The following TET2 variants were observed in gnomAD, a reference collection of about 807,000 sequenced individuals.
The protein encoded by TET2 is methylcytosine dioxygenase TET2.
A neutral mutation model predicts 142.9 loss-of-function variants in TET2; 299 were observed. That is an observed-to-expected ratio of 2.09 (90% CI 1.90 to 2.30). The LOEUF (loss-of-function observed/expected upper bound fraction) is 2.30. Ranked by LOEUF, TET2 falls within the 30% of genes most tolerant of loss-of-function variation. TET2 has a pLI of 0.00. For missense variants in TET2, 2,418 were observed against 2,378.0 expected (o/e 1.02, Z -0.35); for synonymous variants, 819 against 849.0 (o/e 0.96, Z 0.61).
Position 105,272,587 on chromosome 4 carries a change from C to T in TET2, c.4206C>T (p.Asp1402=). The part of the protein sequence containing the change: ...STLVCTLTRE[D]NREFGGKPED... ...AGGTATGCACTCTCACTAGAGAAGA[C>T]AATCGAGAATTTGGAGGAAAACCTG... Residue 1402 remains aspartate, a synonymous_variant, in exon 10 of 11, where the codon GAC becomes GAT. Coordinates refer to ENST00000380013, the MANE Select transcript of TET2 (RefSeq NM_001127208.3). 1 of 1,542,672 alleles carries T rather than the reference C, an allele frequency of 6.5e-7. No individual in the cohort carries two copies. The highest frequency in any genetic ancestry group is 8.7e-7 in the Non-Finnish European group (1 of 1,143,374).
At position 105,276,199 on chromosome 4, in the gene TET2, A is replaced by C. The variant is rs577513155; in HGVS notation, c.5689A>C (p.Ile1897Leu). The C allele has an allele frequency of 1.9e-6, 3 of 1,551,616 alleles. No individual in the cohort carries two copies. Among genetic ancestry groups the C allele is most frequent in the East Asian group, 4.9e-5 (2 of 40,916 alleles). The change falls in exon 11 of 11, where the codon ATC becomes CTC. Residue 1897 changes from isoleucine (I) to leucine (L), a missense_variant. Transcript: ENST00000380013. ...TCCCAATAGGAATCACCCCACCAGG[A>C]TCTCCCTCGTCTTTTACCAGCATAA... ...KNPNRNHPTR[I>L]SLVFYQHKSM...
chr4:105,238,245 G>C (rs757336943), intron 3 of TET2: 3 of 237,584 alleles, frequency 1.3e-5, no homozygotes, highest in Non-Finnish European at 1.8e-5. Flanking sequence ...CTTCAGTATT[G>C]ATCGCTGTGG....
At chr4:105,163,854 AGTGTGTGTGT>A (rs111673454) in intron 1 of TET2, among the ~76,000 whole-genome samples, 1 of 85,168 alleles carries the variant, frequency 1.2e-5, no homozygotes, top group South Asian at 4.7e-4. Flanking sequence ...AGAGAGAGAG[AGTGTGTGTGT>A]GTGTGTGTGT....
chr4:105,192,041 A>C (rs1025499729), intron 2 of TET2, among the ~76,000 whole-genome samples: 1 of 152,100 alleles, frequency 6.6e-6, no homozygotes, highest in Admixed American at 6.6e-5. Flanking sequence ...GTGACTACTC[A>C]TTCTGCTCTT....
rs1383635683 is a variant in TET2 at position 105,241,579 on chromosome 4, CTG to C, written c.3500+153_3500+154del. The C allele has an allele frequency of 1.0e-5, 14 of 1,395,628 alleles. No individual in the cohort carries two copies. The East Asian group carries it at 3.5e-4, about 35-fold the overall frequency. 86.5% of individuals were successfully genotyped at this position (1,395,628 alleles called of 1,614,324 possible). On this transcript the variant is annotated intron_variant, in intron 4 of 10. Transcript: ENST00000380013. ...ATTCTAGGGTTGCCAACACTACACA[CTG>C]TGCTATTCACCAGAGAGTCACAATA... is the stretch of plus-strand genomic sequence containing the variant.
chr4:105,240,734 C>T (rs183982411), intron 3 of TET2: 1 of 1,080,244 alleles, frequency 9.3e-7, no homozygotes, highest in East Asian at 5.0e-5. Context: ...TGGTTTGCAA[C>T]AGCCCCTTCT....
Position 105,276,296 on chromosome 4 carries a change from A to T in TET2, c.5786A>T (p.Glu1929Val). Residue 1929 changes from glutamate (E) to valine (V), a missense_variant, in exon 11 of 11, where the codon GAG becomes GTG. Glu to Val is a moderately radical substitution (Grantham distance 121). Coordinates refer to ENST00000380013, the MANE Select transcript of TET2 (RefSeq NM_001127208.3). ...AKMAEKAREK[E>V]EECEKYGPDY... ...ATGGCTGAAAAAGCCCGTGAGAAAG[A>T]GGAAGAGTGTGAAAAGTATGGCCCA... 6.4e-7 allele frequency: 1 copy of T among 1,551,708 alleles called. No homozygotes were observed. The highest frequency in any genetic ancestry group is 2.4e-5 in the East Asian group (1 of 40,928).
intron 1 of TET2, among the ~76,000 whole-genome samples, chr4:105,181,568 A>G (rs1427268748): frequency 6.6e-6 from 1 of 152,212 alleles, no homozygotes; most frequent in Non-Finnish European, 1.5e-5. Flanking sequence ...CAAATAAAAA[A>G]TGGTTTAAAA....
chr4:105,187,904 G>C (rs913654839), intron 1 of TET2, among the ~76,000 whole-genome samples: 15 of 152,186 alleles, frequency 9.9e-5, no homozygotes, highest in African/African-American at 3.6e-4. Context: ...CACATTGCTA[G>C]TGGAATGTAA....
At chr4:105,169,614 T>C (rs1030625735) in intron 1 of TET2, among the ~76,000 whole-genome samples, 3 of 152,200 alleles carry the variant, frequency 2.0e-5, no homozygotes, top group Non-Finnish European at 4.4e-5. Flanking sequence ...TTTGTTTTTG[T>C]TGCATTTGCT....
At chr4:105,216,983 G>A (rs1286050067) in intron 2 of TET2, among the ~76,000 whole-genome samples, 1 of 152,024 alleles carries the variant, frequency 6.6e-6, no homozygotes, top group African/African-American at 2.4e-5. Context: ...TACATACGTG[G>A]AAGTGTATTT....
At chr4:105,154,010 C>T (rs1723439464) in intron 1 of TET2, among the ~76,000 whole-genome samples, 1 of 152,168 alleles carries the variant, frequency 6.6e-6, no homozygotes. Flanking sequence ...AATGCTGTCA[C>T]ATAGGTGAAT....
intron 2 of TET2, among the ~76,000 whole-genome samples, chr4:105,220,971 C>G (rs564414618): frequency 3.8e-4 from 58 of 152,218 alleles, no homozygotes; most frequent in African/African-American, 1.4e-3. Flanking sequence ...AAGTTTCAAG[C>G]ATTGGATAAT....
rs2110224559 is a variant in TET2 at position 105,235,037 on chromosome 4, C to T, written c.1095C>T (p.Gly365=). The T allele has an allele frequency of 6.2e-7, 1 of 1,614,144 alleles. No homozygotes were observed. Residue 365 remains glycine (G), a synonymous_variant, in exon 3 of 11, where the codon GGC becomes GGT. Transcript: ENST00000380013. ...GSSSNLQAPG[G]SSERYLKQNE... ...GCAGCAATTTGCAAGCTCCTGGTGGCAGCTCTGAACGGTATTTAAAACAAA... is the reference window on the plus strand; with the variant it reads ...GCAGCAATTTGCAAGCTCCTGGTGGTAGCTCTGAACGGTATTTAAAACAAA...
chr4:105,185,354 A>G (rs1725366401), intron 1 of TET2, among the ~76,000 whole-genome samples: 1 of 152,260 alleles, frequency 6.6e-6, no homozygotes, highest in African/African-American at 2.4e-5. Flanking sequence ...AGGGTGTGCT[A>G]AGGTAAACAA....
At chr4:105,182,482 T>G (rs1287153061) in intron 1 of TET2, among the ~76,000 whole-genome samples, 1 of 152,250 alleles carries the variant, frequency 6.6e-6, no homozygotes, top group African/African-American at 2.4e-5. Flanking sequence ...TGTCGTAACT[T>G]GATGTTTACT....
intron 2 of TET2, among the ~76,000 whole-genome samples, chr4:105,197,096 C>G (rs1726138531): frequency 6.6e-6 from 1 of 152,158 alleles, no homozygotes; most frequent in Admixed American, 6.5e-5. Flanking sequence ...TAATTATAAG[C>G]AACACTTGTG....
chr4:105,231,649 A>G (rs927277214), intron 2 of TET2, among the ~76,000 whole-genome samples: 5 of 152,120 alleles, frequency 3.3e-5, no homozygotes, highest in African/African-American at 1.2e-4. Context: ...TTCTTATTCT[A>G]TTTCATTTTT....
Position 105,237,050 on chromosome 4 carries a change from C to A in TET2, c.3108C>A (p.His1036Gln). The change falls in exon 3 of 11, where the codon CAC becomes CAA. Residue 1036 changes from histidine to glutamine, a missense_variant. His to Gln is a conservative substitution (Grantham distance 24). Transcript: ENST00000380013. ...ETMEQHLKQF[H>Q]AKSLFDHKAL... is the part of the protein sequence containing the mutation. ...TGGAGCAGCATCTGAAGCAGTTTCACGCCAAGTCGTTATTTGACCATAAGG... is the reference window on the plus strand; with the variant it reads ...TGGAGCAGCATCTGAAGCAGTTTCAAGCCAAGTCGTTATTTGACCATAAGG... 6.2e-7 allele frequency: 1 copy of A among 1,614,142 alleles called. No individual in the cohort carries two copies. Among genetic ancestry groups the A allele is most frequent in the Non-Finnish European group, 8.5e-7 (1 of 1,180,008 alleles).
Sources: allele counts gnomAD v4.1 joint callset (sites outside exome capture counted in the v4.1 genomes callset), GRCh38; gene constraint gnomAD v4.1.1; transcripts MANE v1.5; gene names NCBI Gene and HGNC (gene_info 2026-07-23, HGNC 2026-07-21).